The following WNK2 variants were observed in gnomAD, a reference collection of about 807,000 sequenced individuals.
WNK2 encodes WNK lysine deficient protein kinase 2.
Under a neutral mutation model 192.1 loss-of-function variants are expected in WNK2, and 67 were observed. The ratio of observed to expected loss-of-function variants is 0.35; its 90% CI spans 0.29 to 0.43. The LOEUF (loss-of-function observed/expected upper bound fraction) is 0.43. Ranked by LOEUF, WNK2 falls within the 20% of genes least tolerant of loss-of-function variation. The pLI, the probability that WNK2 is intolerant of heterozygous loss-of-function variation, is 1.00. For missense variants in WNK2, 2,698 were observed against 3,089.7 expected (o/e 0.87, Z 3.01); for synonymous variants, 1,439 against 1,393.9 (o/e 1.03, Z -0.72).
chr9:93,225,766 A>G (rs768525043), intron 2 of WNK2, among the ~76,000 whole-genome samples: 7 of 152,260 alleles, frequency 4.6e-5, no homozygotes, highest in Non-Finnish European at 1.0e-4. Context: ...CTAGGCGCAC[A>G]GAAAGGGAAT....
intron 8 of WNK2, among the ~76,000 whole-genome samples, chr9:93,252,544 G>A (rs1420212286): frequency 1.3e-5 from 2 of 152,194 alleles, no homozygotes; most frequent in Non-Finnish European, 2.9e-5. Flanking sequence ...CATTCCTTTG[G>A]CCTCCCAAGT....
intron 2 of WNK2, among the ~76,000 whole-genome samples, chr9:93,206,131 A>G (rs1563983648): frequency 6.6e-6 from 1 of 152,196 alleles, no homozygotes; most frequent in East Asian, 1.9e-4. Flanking sequence ...CATGCGGGGT[A>G]CAGGGCATCA....
At chr9:93,211,444 CCACTCACCCACCCACTCATT>C (rs1441649622) in intron 2 of WNK2, among the ~76,000 whole-genome samples, 1 of 144,752 alleles carries the variant, frequency 6.9e-6, no homozygotes, top group Non-Finnish European at 1.5e-5. Flanking sequence ...ACCCACTCAT[CCACTCACCCACCCACTCATT>C]CACTCCCATC....
chr9:93,284,053 G>GT (rs1490944252), intron 19 of WNK2, among the ~76,000 whole-genome samples: 1 of 152,232 alleles, frequency 6.6e-6, no homozygotes, highest in East Asian at 1.9e-4. Context: ...CTCCATCTCA[G>GT]TGAGTGTCAA....
intron 2 of WNK2, among the ~76,000 whole-genome samples, chr9:93,211,278 C>T (rs377524778): frequency 6.8e-3 from 179 of 26,484 alleles, no homozygotes; most frequent in Admixed American, 8.2e-3. Flanking sequence ...ACTCACTCAT[C>T]CACTCACTCA....
At chr9:93,256,249 G>T in intron 9 of WNK2, 50 bp from the exon 10 acceptor site, 1 of 1,440,978 alleles carries the variant, frequency 6.9e-7, no homozygotes, top group Non-Finnish European at 9.1e-7. Context: ...CCAGGAGGGG[G>T]CCTGGTGGCC....
intron 9 of WNK2, among the ~76,000 whole-genome samples, chr9:93,254,040 C>A (rs1004416845): frequency 5.3e-5 from 8 of 152,204 alleles, no homozygotes; most frequent in Admixed American, 6.5e-5. Flanking sequence ...CCTCAGCCTC[C>A]TGAGTAGCTG....
chr9:93,198,720 A>G (rs538609030), intron 2 of WNK2, among the ~76,000 whole-genome samples: 13 of 152,276 alleles, frequency 8.5e-5, no homozygotes, highest in African/African-American at 2.9e-4. Flanking sequence ...CATTTTTGCT[A>G]AGTCATGATC....
chr9:93,205,886 C>T (rs919992767), intron 2 of WNK2, among the ~76,000 whole-genome samples: 7 of 152,138 alleles, frequency 4.6e-5, no homozygotes, highest in Non-Finnish European at 7.3e-5. Flanking sequence ...CAGTGGGTCT[C>T]AGGCTCCAGA....
At position 93,184,915 on chromosome 9, in the gene WNK2, C is replaced by T. The variant is rs1436111252; in HGVS notation, c.-2-13C>T. ...CCGGCGCTCACGCGGGCCTGTGTGT[C>T]CTTGGCCCACAGAGATGGACGGCGA... is the stretch of plus-strand genomic sequence containing the variant. On this transcript the variant is annotated splice_polypyrimidine_tract_variant and intron_variant, in intron 1 of 29. Coordinates refer to ENST00000427277, the MANE Select transcript of WNK2 (RefSeq NM_006648.4). 11 of 1,224,792 alleles carry T rather than the reference C, an allele frequency of 9.0e-6. No homozygotes were observed. Among genetic ancestry groups the T allele is most frequent in the Non-Finnish European group, 1.1e-5 (11 of 984,472 alleles). 75.9% of individuals were successfully genotyped at this position (1,224,792 alleles called of 1,614,324 possible). A position where few individuals can be genotyped will look rare whatever the true frequency, so the allele number is the denominator to read the frequency against.
rs2133324561 is a variant in WNK2, at chr9:93,271,866, A to G, written c.4033+3120A>G. Among the ~76,000 whole-genome samples the G allele has an allele frequency of 2.0e-5, 3 of 152,378 alleles. No individual in the cohort carries two copies. In the Middle Eastern group the frequency reaches 0.01, roughly 518 times the overall value. On this transcript the variant is annotated intron_variant, in intron 19 of 29. Coordinates refer to ENST00000427277, the MANE Select transcript of WNK2 (RefSeq NM_006648.4). ...AATGCAAATCAATCTGCTGAAAAGT[A>G]AAGACAGCCAGACAAAAATTATGCA...
At chr9:93,249,747 T>A (rs1325176578) in intron 8 of WNK2, among the ~76,000 whole-genome samples, 1 of 152,054 alleles carries the variant, frequency 6.6e-6, no homozygotes, top group African/African-American at 2.4e-5. Flanking sequence ...GTGCTGGGAT[T>A]ACAGGTGTGA....
At chr9:93,297,069 C>T (rs1850688543) in intron 23 of WNK2, among the ~76,000 whole-genome samples, 1 of 142,616 alleles carries the variant, frequency 7.0e-6, no homozygotes, top group African/African-American at 2.6e-5. Flanking sequence ...TCTTCCCCTC[C>T]ACATCCTCTT....
In WNK2 at chr9:93,263,560, G is replaced by A; in HGVS notation, c.3411-6G>A. The A allele has an allele frequency of 2.5e-6, 4 of 1,611,124 alleles. No homozygotes were observed. The highest frequency in any genetic ancestry group is 2.2e-5 in the South Asian group (2 of 90,406). On this transcript the variant is annotated splice_region_variant and splice_polypyrimidine_tract_variant and intron_variant, in intron 14 of 29. Transcript: ENST00000427277. ...GGTGCCATTAATGTTCTTGGGTTTT[G>A]CTCAGCTATGGAGGTTCTGATGTCA...
rs1403961323 is a variant in WNK2 at position 93,184,370 on chromosome 9, G to A, written c.-18G>A. ...TGGCCGCCGGGCCGCGGGCATGGACGGCGTCCGCTCGCCCTGTGAGTGCCG... is the reference window on the plus strand; with the variant it reads ...TGGCCGCCGGGCCGCGGGCATGGACAGCGTCCGCTCGCCCTGTGAGTGCCG... On this transcript the variant is annotated 5_prime_UTR_variant, in exon 1 of 30. Coordinates refer to ENST00000427277, the MANE Select transcript of WNK2 (RefSeq NM_006648.4). 2.7e-5 allele frequency among the ~76,000 whole-genome samples: 4 copies of A among 150,876 alleles called. No individual in the cohort carries two copies. The highest frequency in any genetic ancestry group is 5.9e-5 in the Non-Finnish European group (4 of 67,590).
chr9:93,311,613 T>TTGTGAGTGTGTG (rs1853660022), intron 28 of WNK2, among the ~76,000 whole-genome samples: 2 of 146,076 alleles, frequency 1.4e-5, no homozygotes. Context: ...GTTTTTTTGT[T>TTGTGAGTGTGTG]TGTGTGTGTG....
At position 93,259,410 on chromosome 9, in the gene WNK2, C is replaced by T. The variant is rs148099783; in HGVS notation, c.2862C>T (p.Pro954=). Residue 954 remains proline, a synonymous_variant, in exon 12 of 30, where the codon CCC becomes CCT. Coordinates refer to ENST00000427277, the MANE Select transcript of WNK2 (RefSeq NM_006648.4). This position sits in a 1 kb window ranked among gnomAD's most constrained non-coding sequence, Gnocchi z 4.8. ...LPPQPTLPPQ[P]VLPPQPTLPP... is the part of the protein sequence containing the mutation. ...CACAACCCACACTGCCCCCACAACC[C>T]GTGCTGCCCCCGCAACCCACGCTGC... The T allele has an allele frequency of 6.7e-5, 106 of 1,575,358 alleles. No homozygotes were observed. The East Asian group carries it at 7.0e-4, about 10-fold the overall frequency.
intron 2 of WNK2, among the ~76,000 whole-genome samples, chr9:93,192,904 T>C (rs1392785414): frequency 1.3e-5 from 2 of 152,178 alleles, no homozygotes; most frequent in Admixed American, 1.3e-4. Context: ...AGCCCTTCTA[T>C]GCCCATAGTC....
chr9:93,287,221 C>G (rs1284218494), intron 19 of WNK2, among the ~76,000 whole-genome samples: 2 of 152,174 alleles, frequency 1.3e-5, no homozygotes, highest in Non-Finnish European at 1.5e-5. Flanking sequence ...TCACACAGCC[C>G]TAGGGGTGCT....
Sources: gnomAD v4.1 joint callset for allele counts (sites outside exome capture counted in the v4.1 genomes callset) on GRCh38, gnomAD v4.1.1 for gene constraint, Gnocchi (gnomAD v3.1) non-coding constraint, MANE v1.5 for transcripts, NCBI Gene and HGNC (gene_info 2026-07-23, HGNC 2026-07-21) for gene names.